Variants in CPVL observed in about 807,000 individuals in gnomAD.
The protein encoded by CPVL is carboxypeptidase vitellogenic like, also known as probable serine carboxypeptidase CPVL.
A neutral mutation model predicts 63.7 loss-of-function variants in CPVL; 51 were observed. That is an observed-to-expected ratio of 0.80 (90% CI 0.64 to 1.01). The LOEUF (loss-of-function observed/expected upper bound fraction) is 1.01, where lower values mean the gene tolerates loss of function less well. Among genes scored for constraint, CPVL ranks in the 50% least tolerant of loss-of-function variants. The pLI is 0.00. For synonymous variants in CPVL, 195 were observed against 206.0 expected, an observed-to-expected ratio of 0.95 and a Z score of 0.46; for missense variants, 530 against 573.1, an observed-to-expected ratio of 0.92 and a Z score of 0.77.
At chr7:29,094,367 T>C (rs902651680) in intron 5 of CPVL, among the ~76,000 whole-genome samples, 1 of 149,842 alleles carries the variant, frequency 6.7e-6, no homozygotes, top group East Asian at 2.0e-4. Flanking sequence ...AAAAAAAAAG[T>C]GGAGACCCAT....
At chr7:29,098,266 G>C (rs927436384) in intron 3 of CPVL, among the ~76,000 whole-genome samples, 17 of 152,160 alleles carry the variant, frequency 1.1e-4, no homozygotes, top group African/African-American at 3.6e-4. Flanking sequence ...CCTGCAGGAA[G>C]AGCTGAGCAG....
chr7:29,156,713 TG>T (rs1393792540), intron 5 of CPVL, among the ~76,000 whole-genome samples: 1 of 152,234 alleles, frequency 6.6e-6, no homozygotes, highest in African/African-American at 2.4e-5. Flanking sequence ...AAAGCGACTA[TG>T]TATTACTCTC....
At chr7:28,996,162 T>C in intron 12 of CPVL, 1 of 290,388 alleles carries the variant, frequency 3.4e-6, no homozygotes, top group East Asian at 9.2e-5. Flanking sequence ...CTTTTTCCTC[T>C]AGAGAGTGAT....
intron 1 of CPVL, among the ~76,000 whole-genome samples, chr7:29,130,866 T>C (rs185030819): frequency 2.6e-4 from 40 of 152,378 alleles, no homozygotes; most frequent in Admixed American, 5.9e-4. Context: ...TATTTATCTG[T>C]AAAGAAGTGA....
chr7:29,097,230 C>T (rs1261399856), intron 3 of CPVL, among the ~76,000 whole-genome samples: 1 of 144,326 alleles, frequency 6.9e-6, no homozygotes, highest in Non-Finnish European at 1.5e-5. Context: ...AATACCATCA[C>T]CTTCAATGAC....
At chr7:29,125,023 G>A (rs986154049) in intron 1 of CPVL, 1 of 152,032 alleles carries the variant, frequency 6.6e-6, no homozygotes. Flanking sequence ...ATCTCCTAAA[G>A]CCACAGAATC....
intron 5 of CPVL, among the ~76,000 whole-genome samples, chr7:29,159,985 A>G (rs1794957463): frequency 6.6e-6 from 1 of 152,172 alleles, no homozygotes; most frequent in Non-Finnish European, 1.5e-5. Context: ...GTTGGTGGTC[A>G]TCTTCTGACT....
rs147792495 is a variant in CPVL at position 29,000,680 on chromosome 7, G to A, written c.1321-4798C>T. ...TGGGATGAGTGGACCTTATCCTATC[G>A]GGCTTTAAAAGCAACTGTGGTAAAA... On this transcript the variant is annotated intron_variant, in intron 12 of 12. Coordinates refer to ENST00000265394, the MANE Select transcript of CPVL (RefSeq NM_031311.5). Among the ~76,000 whole-genome samples, 8 of 152,116 alleles carry A rather than the reference G, an allele frequency of 5.3e-5. No homozygotes were observed. The East Asian group carries it at 1.4e-3, about 26-fold the overall frequency.
chr7:29,112,827 T>A lies in CPVL; in HGVS notation c.170-5A>T, dbSNP rs375849431. The A allele has an allele frequency of 1.9e-6, 3 of 1,596,822 alleles. No individual in the cohort carries two copies. In the African/African-American group the frequency reaches 4.1e-5, roughly 22 times the overall value. On this transcript the variant is annotated splice_polypyrimidine_tract_variant and splice_region_variant and intron_variant, in intron 2 of 12. Coordinates refer to ENST00000265394, the MANE Select transcript of CPVL (RefSeq NM_031311.5). Reference sequence around the variant, plus strand: ...CGACCAAACTCAATTCTCTTCCTAGTGGGGGAAAAAAAATTTACCCAAGGA... The same window carrying A: ...CGACCAAACTCAATTCTCTTCCTAGAGGGGGAAAAAAAATTTACCCAAGGA...
chr7:29,155,796 T>C (rs1794279468), intron 5 of CPVL, among the ~76,000 whole-genome samples: 1 of 152,058 alleles, frequency 6.6e-6, no homozygotes, highest in Admixed American at 6.5e-5. Context: ...CTCATCCTTG[T>C]GATGGATTTT....
intron 5 of CPVL, among the ~76,000 whole-genome samples, chr7:29,167,640 A>C (rs1466537758): frequency 1.3e-5 from 2 of 152,118 alleles, no homozygotes; most frequent in Non-Finnish European, 2.9e-5. Context: ...AAAGTGTGTA[A>C]GTGTTTTTAT....
At chr7:29,095,007 A>T in intron 5 of CPVL, 77 bp downstream of exon 5, 1 of 987,982 alleles carries the variant, frequency 1.0e-6, no homozygotes, top group South Asian at 1.4e-5. Flanking sequence ...TATTTTTTAA[A>T]TGTACTTAAT....
At chr7:29,022,097 C>T (rs1213130084) in intron 12 of CPVL, among the ~76,000 whole-genome samples, 1 of 152,144 alleles carries the variant, frequency 6.6e-6, no homozygotes, top group Non-Finnish European at 1.5e-5. Flanking sequence ...CAAATCCTTA[C>T]CCCCCAGCAG....
intron 7 of CPVL, among the ~76,000 whole-genome samples, chr7:29,081,932 T>C (rs935238385): frequency 6.6e-6 from 1 of 152,262 alleles, no homozygotes; most frequent in Non-Finnish European, 1.5e-5. Context: ...TCCAGACCCC[T>C]TGAGCATCAG....
intron 6 of CPVL, among the ~76,000 whole-genome samples, chr7:29,087,267 T>C (rs1321147204): frequency 1.3e-5 from 2 of 151,410 alleles, no homozygotes; most frequent in Admixed American, 6.6e-5. Flanking sequence ...CTACTAAAAA[T>C]ACAAAAATTA....
intron 1 of CPVL, among the ~76,000 whole-genome samples, chr7:29,124,564 T>G (rs1203160808): frequency 3.9e-5 from 6 of 152,144 alleles, no homozygotes; most frequent in Admixed American, 6.5e-5. Context: ...ACAAAGCTAT[T>G]TATCCACAGT....
chr7:29,179,808 G>A (rs933395380), intron 5 of CPVL, among the ~76,000 whole-genome samples: 1 of 152,086 alleles, frequency 6.6e-6, no homozygotes, highest in South Asian at 2.1e-4. Context: ...AGGTTCATTT[G>A]TTTTCTTATG....
intron 9 of CPVL, among the ~76,000 whole-genome samples, chr7:29,068,036 G>A (rs1021450213): frequency 6.8e-6 from 1 of 146,734 alleles, no homozygotes; most frequent in Non-Finnish European, 1.5e-5. Context: ...ATGGAGTCTC[G>A]CACTGTCACT....
chr7:29,183,527 C>T (rs1414190892), intron 4 of CPVL, among the ~76,000 whole-genome samples: 1 of 151,522 alleles, frequency 6.6e-6, no homozygotes, highest in African/African-American at 2.4e-5. Flanking sequence ...CAAGTGTGTG[C>T]CACCACACCT....
Sources: allele counts gnomAD v4.1 joint callset (sites outside exome capture counted in the v4.1 genomes callset), GRCh38; gene constraint gnomAD v4.1.1; transcripts MANE v1.5; gene names NCBI Gene and HGNC (gene_info 2026-07-23, HGNC 2026-07-21).